MTMR3: variants seen among roughly 807,000 people sequenced by gnomAD.
MTMR3 encodes the protein myotubularin related protein 3.
MTMR3 carries 32 observed loss-of-function variants against 132.4 expected under a neutral mutation model. The observed-to-expected ratio is 0.24, with a 90% CI of 0.18 to 0.32. The LOEUF (loss-of-function observed/expected upper bound fraction) is 0.32. MTMR3 is among the 10% of genes least tolerant of loss of function. The probability of loss-of-function intolerance (pLI) is 1.00; values close to 1 mark genes in which losing one functional copy is unlikely to be tolerated. For synonymous variants in MTMR3, 556 were observed against 550.3 expected, an observed-to-expected ratio of 1.01 and a Z score of -0.14; for missense variants, 1,216 against 1,489.6, an observed-to-expected ratio of 0.82 and a Z score of 3.02.
At chr22:29,946,302 A>G (rs2065953024) in intron 1 of MTMR3, among the ~76,000 whole-genome samples, 1 of 152,118 alleles carries the variant, frequency 6.6e-6, no homozygotes, top group Non-Finnish European at 1.5e-5. Context: ...CAGATGATGG[A>G]TTCTGTTTAG....
intron 3 of MTMR3, among the ~76,000 whole-genome samples, chr22:29,974,976 C>CT (rs565827849): frequency 6.6e-6 from 1 of 152,072 alleles, no homozygotes; most frequent in Non-Finnish European, 1.5e-5. Flanking sequence ...CATTTGGTCT[C>CT]TTTTTTTGGA....
intron 1 of MTMR3, among the ~76,000 whole-genome samples, chr22:29,930,283 A>G (rs1419577329): frequency 6.6e-6 from 1 of 152,176 alleles, no homozygotes; most frequent in Admixed American, 6.5e-5. Flanking sequence ...AATTCTCTCT[A>G]CTGCTCAGTG....
intron 5 of MTMR3, chr22:29,983,178 G>T (rs1033452874): frequency 1.3e-5 from 2 of 152,160 alleles, no homozygotes; most frequent in African/African-American, 4.8e-5. Context: ...CCAGTTGTAT[G>T]CTACTAGGAG....
At chr22:29,952,188 A>C (rs903916204) in intron 1 of MTMR3, among the ~76,000 whole-genome samples, 1 of 152,212 alleles carries the variant, frequency 6.6e-6, no homozygotes, top group Non-Finnish European at 1.5e-5. Context: ...CTTGGAGTTC[A>C]GCTTGGATTC....
At chr22:29,928,055 C>T (rs538566664) in intron 1 of MTMR3, among the ~76,000 whole-genome samples, 5 of 151,472 alleles carry the variant, frequency 3.3e-5, no homozygotes, top group African/African-American at 1.2e-4. Flanking sequence ...ATTCTCCTGC[C>T]TCAGCCACCC....
intron 1 of MTMR3, among the ~76,000 whole-genome samples, chr22:29,890,202 G>C (rs1394556877): frequency 6.6e-6 from 1 of 151,804 alleles, no homozygotes; most frequent in Admixed American, 6.5e-5. Flanking sequence ...CACTGCACCT[G>C]GCCCAGGATA....
chr22:30,006,916 T>G (rs1349376651), intron 9 of MTMR3, 198 bp from the exon 10 acceptor site: 1 of 579,038 alleles, frequency 1.7e-6, no homozygotes. Context: ...TTATGGTAAT[T>G]GAGAAAGACA....
At chr22:29,928,158 A>G (rs1049109286) in intron 1 of MTMR3, among the ~76,000 whole-genome samples, 5 of 133,864 alleles carry the variant, frequency 3.7e-5, no homozygotes, top group Non-Finnish European at 7.7e-5. Flanking sequence ...GGTAATCACT[A>G]CATTTTTTTT....
intron 1 of MTMR3, among the ~76,000 whole-genome samples, chr22:29,884,242 T>C (rs1414580940): frequency 6.6e-6 from 1 of 151,136 alleles, no homozygotes; most frequent in African/African-American, 2.4e-5. Context: ...CTGACATCTA[T>C]TTTTCCACAA....
At chr22:29,934,004 TA>T (rs1210185257) in intron 1 of MTMR3, among the ~76,000 whole-genome samples, 1 of 152,206 alleles carries the variant, frequency 6.6e-6, no homozygotes, top group Non-Finnish European at 1.5e-5. Context: ...GATTTATGGA[TA>T]AAAACATGTT....
chr22:29,994,158 A>T, intron 7 of MTMR3: 1 of 984,420 alleles, frequency 1.0e-6, no homozygotes, highest in Non-Finnish European at 1.2e-6. Flanking sequence ...TTTGGAAATT[A>T]TGCAACTACA....
intron 1 of MTMR3, among the ~76,000 whole-genome samples, chr22:29,892,808 T>C (rs1421957451): frequency 3.3e-5 from 5 of 152,242 alleles, no homozygotes; most frequent in Non-Finnish European, 7.3e-5. Context: ...AGATAATTTA[T>C]ATTGAAGATG....
chr22:29,999,014 T>C (rs1170961470), intron 8 of MTMR3, 157 bp downstream of exon 8: 2 of 486,388 alleles, frequency 4.1e-6, no homozygotes, highest in Non-Finnish European at 3.6e-6. Flanking sequence ...TATTGAATCT[T>C]CTGTTCCCGT....
At chr22:30,013,280 C>G in intron 13 of MTMR3, 76 bp from the exon 14 acceptor site, 2 of 1,500,836 alleles carry the variant, frequency 1.3e-6, no homozygotes, top group South Asian at 1.2e-5. Flanking sequence ...GGATTGCTTT[C>G]TGTGACACCA....
chr22:29,887,886 C>G (rs1330246636), intron 1 of MTMR3, among the ~76,000 whole-genome samples: 1 of 152,136 alleles, frequency 6.6e-6, no homozygotes, highest in Non-Finnish European at 1.5e-5. Context: ...AATATAGACA[C>G]AGAGGTATTG....
intron 2 of MTMR3, among the ~76,000 whole-genome samples, chr22:29,970,311 T>A (rs2066507448): frequency 6.6e-6 from 1 of 152,132 alleles, no homozygotes; most frequent in Admixed American, 6.6e-5. Context: ...ACTACAAGAA[T>A]AATGATTTTG....
intron 1 of MTMR3, among the ~76,000 whole-genome samples, chr22:29,901,506 A>G (rs1817700408): frequency 1.3e-5 from 2 of 152,232 alleles, no homozygotes; most frequent in South Asian, 4.2e-4. Context: ...TGGTTCTGTG[A>G]GGTTGGGAAA....
chr22:29,910,687 A>G (rs2065194010), intron 1 of MTMR3, among the ~76,000 whole-genome samples: 1 of 150,748 alleles, frequency 6.6e-6, no homozygotes, highest in African/African-American at 2.4e-5. Context: ...ATATAAGCCC[A>G]TTAAATTGAC....
chr22:29,920,435 G>A (rs929023895), intron 1 of MTMR3, among the ~76,000 whole-genome samples: 4 of 152,064 alleles, frequency 2.6e-5, no homozygotes, highest in African/African-American at 9.7e-5. Context: ...GAAACTTATG[G>A]CTAAAATTAA....
Sources: allele counts gnomAD v4.1 joint callset (sites outside exome capture counted in the v4.1 genomes callset), GRCh38; gene constraint gnomAD v4.1.1; transcripts MANE v1.5; gene names NCBI Gene and HGNC (gene_info 2026-07-23, HGNC 2026-07-21).